CACNA2D3: variants seen among roughly 807,000 people sequenced by gnomAD.
CACNA2D3 encodes voltage-dependent calcium channel subunit alpha-2/delta-3.
In CACNA2D3, 60 loss-of-function variants were observed where a neutral mutation model predicts 160.6. The ratio of observed to expected loss-of-function variants is 0.37; its 90% CI spans 0.30 to 0.46. The LOEUF (loss-of-function observed/expected upper bound fraction) is 0.46, where lower values mean the gene tolerates loss of function less well. CACNA2D3 is among the 20% of genes least tolerant of loss of function. The pLI, the probability that CACNA2D3 is intolerant of heterozygous loss-of-function variation, is 1.00. For synonymous variants in CACNA2D3, 558 were observed against 492.9 expected (o/e 1.13, Z -1.75); for missense variants, 1,205 against 1,365.0 (o/e 0.88, Z 1.85).
intron 27 of CACNA2D3, among the ~76,000 whole-genome samples, chr3:54,926,505 TACACACACACACACACACACAC>T (rs36205023): frequency 1.3e-4 from 18 of 143,312 alleles, no homozygotes; most frequent in South Asian, 2.4e-4. Context: ...GCCTGTCAAA[TACACACACACACACACACACAC>T]ACACACACAC....
chr3:54,435,370 T>C (rs1441268441), intron 4 of CACNA2D3, among the ~76,000 whole-genome samples: 5 of 152,112 alleles, frequency 3.3e-5, no homozygotes, highest in African/African-American at 7.2e-5. Flanking sequence ...TTACCTGAAC[T>C]CAGCTCTAAT....
Position 54,888,048 on chromosome 3 carries a change from T to A in CACNA2D3, c.2146T>A (p.Ser716Thr). 1 of 1,612,540 alleles carries A rather than the reference T, an allele frequency of 6.2e-7. No homozygotes were observed. The highest frequency in any genetic ancestry group is 8.5e-7 in the Non-Finnish European group (1 of 1,178,654). The change falls in exon 24 of 38, where the codon TCT becomes ACT. Residue 716 changes from serine (S) to threonine (T), a missense_variant. By Grantham distance (58) the Ser-to-Thr change is moderately conservative (BLOSUM62 1). This residue lies in a region of CACNA2D3 where 911 missense variants were observed against 1,002.2 expected (regional missense o/e 0.91). Coordinates refer to ENST00000474759, the MANE Select transcript of CACNA2D3 (RefSeq NM_018398.3). Reference protein sequence around the residue: ...AYWTSLALNKSENSDKGVEVA... With the variant: ...AYWTSLALNKTENSDKGVEVA... ...TTGGACCAGCCTGGCCCTCAACAAA[T>A]CTGAGTAAGTGGTTGCACGTGTCCT...
chr3:54,838,516 CT>C (rs1698745504), intron 15 of CACNA2D3, 51 bp from the exon 16 acceptor site: 4 of 1,416,648 alleles, frequency 2.8e-6, no homozygotes, highest in Admixed American at 1.7e-5. Context: ...GATTCTATTT[CT>C]TTTGCCAAGT....
intron 18 of CACNA2D3, chr3:54,874,620 TTATTTATCACAGTGAACC>T (rs72004567): frequency 0.28 from 43,336 of 152,100 alleles, 8,110 homozygotes; most frequent in East Asian, 0.62. Context: ...GTGAACTTAT[TTATTTATCACAGTGAACC>T]TATGAAATGG....
chr3:55,053,551 A>G (rs1276299502), intron 35 of CACNA2D3, among the ~76,000 whole-genome samples: 2 of 151,912 alleles, frequency 1.3e-5, no homozygotes, highest in Non-Finnish European at 2.9e-5. Flanking sequence ...GAATATTTTT[A>G]TGCTGTTTAA....
chr3:54,795,746 C>T (rs1190806300), intron 13 of CACNA2D3, among the ~76,000 whole-genome samples: 2 of 152,110 alleles, frequency 1.3e-5, no homozygotes, highest in Non-Finnish European at 2.9e-5. Flanking sequence ...GGCCCAAGAG[C>T]CACTGATAAG....
chr3:54,918,409 G>C, intron 27 of CACNA2D3: 1 of 1,431,642 alleles, frequency 7.0e-7, no homozygotes, highest in Non-Finnish European at 9.4e-7. Context: ...GCCCTACTCA[G>C]ACACTATCTT....
intron 2 of CACNA2D3, among the ~76,000 whole-genome samples, chr3:54,141,144 A>C (rs1362979013): frequency 6.9e-6 from 1 of 145,532 alleles, no homozygotes; most frequent in African/African-American, 2.6e-5. Flanking sequence ...ATGTAGACTC[A>C]TGGTTGTTTA....
At position 54,940,093 on chromosome 3, in the gene CACNA2D3, T is replaced by A. The variant is rs572479218; in HGVS notation, c.2450-28357T>A. 1.9e-3 allele frequency among the ~76,000 whole-genome samples: 282 copies of A among 152,308 alleles called. 1 individual carries two copies. The highest frequency in any genetic ancestry group is 0.014 in the Middle Eastern group (4 of 294). Reference sequence around the variant, plus strand: ...TCCCACTGGACAGCTCAATCTTCTATGGTCAGGAAAAAACCACACACTCAC... The same window carrying A: ...TCCCACTGGACAGCTCAATCTTCTAAGGTCAGGAAAAAACCACACACTCAC... On this transcript the variant is annotated intron_variant, in intron 27 of 37. Transcript: ENST00000474759.
intron 4 of CACNA2D3, among the ~76,000 whole-genome samples, chr3:54,455,813 A>G (rs1700388252): frequency 6.6e-6 from 1 of 152,128 alleles, no homozygotes; most frequent in Non-Finnish European, 1.5e-5. Flanking sequence ...TATTTCCAGC[A>G]CCATTTATTA....
At chr3:54,563,981 A>C (rs1399334129) in intron 6 of CACNA2D3, among the ~76,000 whole-genome samples, 1 of 152,250 alleles carries the variant, frequency 6.6e-6, no homozygotes, top group Non-Finnish European at 1.5e-5. Flanking sequence ...AAATGTAAAC[A>C]ATAAGCATCC....
At chr3:54,747,457 G>C (rs1407281634) in intron 11 of CACNA2D3, among the ~76,000 whole-genome samples, 1 of 152,122 alleles carries the variant, frequency 6.6e-6, no homozygotes, top group African/African-American at 2.4e-5. Flanking sequence ...GATTATCATA[G>C]GATAATGGAA....
At chr3:54,718,003 G>C (rs1234150174) in intron 11 of CACNA2D3, among the ~76,000 whole-genome samples, 2 of 152,146 alleles carry the variant, frequency 1.3e-5, no homozygotes, top group African/African-American at 4.8e-5. Flanking sequence ...ATGAAATACA[G>C]ATATTTATTT....
At chr3:54,204,796 G>GAAAAAAAAAAAAAAAAAAAAAAAAAAAAA (rs57129457) in intron 2 of CACNA2D3, among the ~76,000 whole-genome samples, 2 of 74,074 alleles carry the variant, frequency 2.7e-5, no homozygotes, top group Admixed American at 1.8e-4. Flanking sequence ...ATGCTGTCTT[G>GAAAAAAAAAAAAAAAAAAAAAAAAAAAAA]AAAAAAAAAA....
intron 2 of CACNA2D3, among the ~76,000 whole-genome samples, chr3:54,247,174 G>A (rs1467580743): frequency 1.3e-5 from 2 of 152,150 alleles, no homozygotes; most frequent in Non-Finnish European, 2.9e-5. Context: ...GCTGGACGTG[G>A]TGGTGCATGC....
At chr3:54,506,562 G>C (rs1357264004) in intron 5 of CACNA2D3, among the ~76,000 whole-genome samples, 2 of 152,218 alleles carry the variant, frequency 1.3e-5, no homozygotes, top group Non-Finnish European at 2.9e-5. Context: ...CTCTCTGGCT[G>C]AGGTGCCTTT....
At chr3:54,445,577 C>CACACACACAT (rs1389211336) in intron 4 of CACNA2D3, among the ~76,000 whole-genome samples, 3 of 151,752 alleles carry the variant, frequency 2.0e-5, no homozygotes, top group African/African-American at 7.3e-5. Context: ...CACACACACA[C>CACACACACAT]ACACACACAC....
chr3:54,392,491 A>G (rs370759773), intron 4 of CACNA2D3, among the ~76,000 whole-genome samples: 3 of 152,194 alleles, frequency 2.0e-5, no homozygotes, highest in East Asian at 3.8e-4. Context: ...GTTTTCTATG[A>G]TAGTTTTTCT....
Position 54,984,437 on chromosome 3 carries a change from C to A in CACNA2D3, c.2557-171C>A, listed in dbSNP as rs187072901. On this transcript the variant is annotated intron_variant, in intron 29 of 37. Transcript: ENST00000474759. ...AAAGTAAACACCGGGGTTATCTTAA[C>A]CGTGGCCTTAAAGCCTAGAACCAGC... Among the ~76,000 whole-genome samples the A allele has an allele frequency of 2.6e-5, 4 of 152,252 alleles. No individual in the cohort carries two copies. In the East Asian group the frequency reaches 7.7e-4, roughly 29 times the overall value.
Sources: allele counts gnomAD v4.1 joint callset (sites outside exome capture counted in the v4.1 genomes callset), GRCh38; gene constraint gnomAD v4.1.1; regional missense constraint gnomAD v4.1.1; transcripts MANE v1.5; gene names NCBI Gene and HGNC (gene_info 2026-07-23, HGNC 2026-07-21).